The following CORO2A variants were observed in gnomAD, a reference collection of about 807,000 sequenced individuals.
CORO2A encodes coronin-2A.
Under a neutral mutation model 62.4 loss-of-function variants are expected in CORO2A, and 47 were observed. That is an observed-to-expected ratio of 0.75 (90% CI 0.60 to 0.96). CORO2A has a LOEUF of 0.96. CORO2A is among the 40% of genes least tolerant of loss of function. CORO2A has a pLI of 0.00. For missense variants in CORO2A, 610 were observed against 684.1 expected (o/e 0.89, Z 1.21); for synonymous variants, 273 against 268.9 (o/e 1.02, Z -0.15).
intron 1 of CORO2A, among the ~76,000 whole-genome samples, chr9:98,172,410 C>T (rs548014627): frequency 4.8e-4 from 58 of 122,104 alleles, no homozygotes; most frequent in African/African-American, 1.9e-3. Context: ...GAGCTCGACC[C>T]CACGCCCCAC....
rs139117154 is a variant in CORO2A at position 98,151,955 on chromosome 9, C to T, written c.201+5505G>A. On this transcript the variant is annotated intron_variant, in intron 2 of 11. Coordinates refer to ENST00000375077, the MANE Select transcript of CORO2A (RefSeq NM_052820.4). ...CCTCAGCCTCCCATGTAGCTGGGAC[C>T]ACAGGCGCACGCCACCATGCCCGGC... 9.3e-3 allele frequency among the ~76,000 whole-genome samples: 1,388 copies of T among 149,918 alleles called. 20 individuals carry two copies. Among genetic ancestry groups the T allele is most frequent in the African/African-American group, 0.032 (1,287 of 40,510 alleles).
Position 98,122,581 on chromosome 9 carries a change from C to T in CORO2A, c.*2193G>A, listed in dbSNP as rs1827257263. ...TAGAGTAGGGCTCGGAACACAGATT[C>T]ACTAAGGAGGGACAAAGAAAAGCTT... On this transcript the variant is annotated 3_prime_UTR_variant, in exon 12 of 12. Transcript: ENST00000375077. 1 of 152,200 alleles carries T rather than the reference C, an allele frequency of 6.6e-6. No homozygotes were observed. Among genetic ancestry groups the T allele is most frequent in the African/African-American group, 2.4e-5 (1 of 41,432 alleles). The allele number at this position is 152,200 out of a possible 1,614,324, so 9.4% of individuals were successfully genotyped here. A position where few individuals can be genotyped will look rare whatever the true frequency, so the allele number is the denominator to read the frequency against.
intron 11 of CORO2A, among the ~76,000 whole-genome samples, chr9:98,126,003 C>T (rs1827312082): frequency 6.7e-6 from 1 of 149,056 alleles, no homozygotes; most frequent in African/African-American, 2.5e-5. Flanking sequence ...CAGGTGTGAG[C>T]CACTGCACCT....
intron 1 of CORO2A, among the ~76,000 whole-genome samples, chr9:98,169,867 AC>A (rs1257604177): frequency 2.0e-5 from 3 of 151,610 alleles, no homozygotes; most frequent in African/African-American, 7.3e-5. Context: ...CCTTCCTGTC[AC>A]CCCACCTTCC....
intron 1 of CORO2A, among the ~76,000 whole-genome samples, chr9:98,177,457 G>GTTTTTTTTTT (rs1174402008): frequency 3.1e-5 from 3 of 98,348 alleles, no homozygotes; most frequent in African/African-American, 4.4e-5. Flanking sequence ...TCCAAACTTT[G>GTTTTTTTTTT]TTTTTTTTTT....
chr9:98,128,902 T>G (rs1189349097), intron 8 of CORO2A, among the ~76,000 whole-genome samples, 183 bp from the exon 9 acceptor site: 1 of 152,238 alleles, frequency 6.6e-6, no homozygotes. Context: ...TTAATCAGAC[T>G]CTTCACCTTC....
intron 2 of CORO2A, among the ~76,000 whole-genome samples, chr9:98,142,968 G>GA (rs1827594234): frequency 6.6e-6 from 1 of 152,224 alleles, no homozygotes; most frequent in Non-Finnish European, 1.5e-5. Context: ...AGCCTGGTGG[G>GA]CTATTGACTG....
At chr9:98,156,092 C>T (rs1399479719) in intron 2 of CORO2A, among the ~76,000 whole-genome samples, 1 of 134,796 alleles carries the variant, frequency 7.4e-6, no homozygotes, top group Non-Finnish European at 1.5e-5. Flanking sequence ...ACTCTGTTGC[C>T]CAGGCTGGAG....
chr9:98,149,028 T>C (rs1016415967), intron 2 of CORO2A, among the ~76,000 whole-genome samples: 1 of 152,094 alleles, frequency 6.6e-6, no homozygotes, highest in African/African-American at 2.4e-5. Context: ...TTTGTGATGA[T>C]GGAATGTTCT....
chr9:98,173,053 C>T (rs1828059924), intron 1 of CORO2A, among the ~76,000 whole-genome samples: 1 of 152,222 alleles, frequency 6.6e-6, no homozygotes, highest in African/African-American at 2.4e-5. Flanking sequence ...CGCTTGTAAC[C>T]CAGCACTTTA....
chr9:98,126,786 C>A lies in CORO2A; in HGVS notation c.1209G>T (p.Leu403=). Residue 403 remains leucine (L), a synonymous_variant, in exon 11 of 12, where the codon CTG becomes CTT. Coordinates refer to ENST00000375077, the MANE Select transcript of CORO2A (RefSeq NM_052820.4). ...ILVSLRPGSE[L]LRPHPLPAER... ...CTGCAGGCAGTGGGTGGGGTCTCAG[C>A]AGCTCAGAGCCAGGCCTAAGGGACA... 3.7e-6 allele frequency: 6 copies of A among 1,614,198 alleles called. No individual in the cohort carries two copies. Among genetic ancestry groups the A allele is most frequent in the Non-Finnish European group, 5.1e-6 (6 of 1,180,036 alleles).
chr9:98,150,950 T>C (rs1039363617), intron 2 of CORO2A, among the ~76,000 whole-genome samples: 4 of 152,190 alleles, frequency 2.6e-5, no homozygotes, highest in Non-Finnish European at 5.9e-5. Context: ...CTAGCCCCAG[T>C]CCACTTCCTT....
intron 1 of CORO2A, among the ~76,000 whole-genome samples, chr9:98,180,226 C>T (rs866839747): frequency 6.6e-6 from 1 of 152,162 alleles, no homozygotes; most frequent in African/African-American, 2.4e-5. Context: ...ACGTTCATCG[C>T]ATCCCATATA....
intron 2 of CORO2A, among the ~76,000 whole-genome samples, chr9:98,139,510 C>T (rs1281716778): frequency 6.6e-6 from 1 of 152,192 alleles, no homozygotes; most frequent in Non-Finnish European, 1.5e-5. Context: ...GCCTGTAATC[C>T]AAGCTACTTG....
intron 1 of CORO2A, 113 bp from the exon 2 acceptor site, chr9:98,157,773 T>G: frequency 1.0e-6 from 1 of 956,814 alleles, no homozygotes; most frequent in Non-Finnish European, 1.6e-6. Context: ...AGTGGTCAGT[T>G]CAACGTGGAC....
chr9:98,165,086 A>C (rs919939862), intron 1 of CORO2A, among the ~76,000 whole-genome samples: 10 of 151,948 alleles, frequency 6.6e-5, no homozygotes, highest in Non-Finnish European at 2.9e-5. Context: ...CTCTGGCTTC[A>C]GCCTCCTGCA....
chr9:98,134,832 G>C lies in CORO2A; in HGVS notation c.442C>G (p.Leu148Val), dbSNP rs149784208. The change falls in exon 4 of 12, where the codon CTC becomes GTC. Residue 148 changes from leucine to valine, a missense_variant. Leu to Val is a conservative substitution (Grantham distance 32). Coordinates refer to ENST00000375077, the MANE Select transcript of CORO2A (RefSeq NM_052820.4). Reference protein sequence around the residue: ...VEWHPTAANILFSAGYDYKVM... With the variant: ...VEWHPTAANIVFSAGYDYKVM... ...TTGTAGTCATAGCCAGCACTGAAGA[G>C]GATGTTGGCGGCCGTGGGGTGCCAC... is the stretch of plus-strand genomic sequence containing the variant. The C allele has an allele frequency of 6.2e-7, 1 of 1,613,878 alleles. No individual in the cohort carries two copies. The highest frequency in any genetic ancestry group is 1.1e-5 in the South Asian group (1 of 91,010).
At chr9:98,164,959 G>C (rs1476167130) in intron 1 of CORO2A, among the ~76,000 whole-genome samples, 2 of 151,602 alleles carry the variant, frequency 1.3e-5, no homozygotes, top group Non-Finnish European at 2.9e-5. Context: ...CACCACCAGG[G>C]TCTAGGTGTA....
chr9:98,153,621 CTA>C (rs1827757692), intron 2 of CORO2A, among the ~76,000 whole-genome samples: 1 of 150,150 alleles, frequency 6.7e-6, no homozygotes, highest in African/African-American at 2.5e-5. Flanking sequence ...ACTGCCCAGG[CTA>C]TATGTCTGTA....
Sources: allele counts gnomAD v4.1 joint callset (sites outside exome capture counted in the v4.1 genomes callset), GRCh38; gene constraint gnomAD v4.1.1; transcripts MANE v1.5; gene names NCBI Gene and HGNC (gene_info 2026-07-23, HGNC 2026-07-21).